SLMAP: variants seen among roughly 807,000 people sequenced by gnomAD.
SLMAP encodes the protein sarcolemmal membrane-associated protein.
In SLMAP, 44 loss-of-function variants were observed where a neutral mutation model predicts 128.8. That is an observed-to-expected ratio of 0.34 (90% CI 0.27 to 0.44). SLMAP has a LOEUF of 0.44. Ranked by LOEUF, SLMAP falls within the 20% of genes least tolerant of loss-of-function variation. SLMAP has a pLI of 1.00. For synonymous variants in SLMAP, 327 were observed against 348.8 expected, an observed-to-expected ratio of 0.94 and a Z score of 0.70; for missense variants, 787 against 985.3, an observed-to-expected ratio of 0.80 and a Z score of 2.69.
chr3:57,809,546 C>T lies in SLMAP; in HGVS notation c.199-21837C>T, dbSNP rs559200176. On this transcript the variant is annotated intron_variant, in intron 2 of 24. Transcript: ENST00000671191. ...GCACCTACAGCCTGGGCACCACGAA[C>T]AGCAGCAGGAGGCAGACAGGTTCCC... Among the ~76,000 whole-genome samples, 33 of 152,312 alleles carry T rather than the reference C, an allele frequency of 2.2e-4. 1 individual carries two copies. In the South Asian group the frequency reaches 6.8e-3, roughly 32 times the overall value.
At chr3:57,778,821 T>C (rs1219490512) in intron 2 of SLMAP, among the ~76,000 whole-genome samples, 1 of 152,080 alleles carries the variant, frequency 6.6e-6, no homozygotes, top group Non-Finnish European at 1.5e-5. Context: ...TCTTAGGTAA[T>C]TGAGTTAAGG....
At chr3:57,926,903 C>A (rs761440336) in intron 24 of SLMAP, among the ~76,000 whole-genome samples, 22 of 152,250 alleles carry the variant, frequency 1.4e-4, no homozygotes, top group Non-Finnish European at 2.8e-4. Context: ...TGGTTCTTAT[C>A]AAGAAATAAA....
At chr3:57,894,474 T>C (rs2096184653) in intron 15 of SLMAP, among the ~76,000 whole-genome samples, 1 of 152,212 alleles carries the variant, frequency 6.6e-6, no homozygotes, top group South Asian at 2.1e-4. Context: ...TTACTTCCTT[T>C]AGGAAAAGTA....
In SLMAP at chr3:57,878,523, A is replaced by G. The variant is rs182906053; in HGVS notation, c.1300+6825A>G. Among the ~76,000 whole-genome samples, 175 of 152,102 alleles carry G rather than the reference A, an allele frequency of 1.2e-3. 1 individual carries two copies. The highest frequency in any genetic ancestry group is 0.011 in the South Asian group (51 of 4,816). On this transcript the variant is annotated intron_variant, in intron 14 of 24. Coordinates refer to ENST00000671191, the MANE Select transcript of SLMAP (RefSeq NM_001377540.1). ...GGGATCTTGATGTGAATTCTGATGC[A>G]CTCTCTCACTGGCAGTATGATTGTG...
chr3:57,802,824 A>G (rs1407269811), intron 2 of SLMAP, among the ~76,000 whole-genome samples: 1 of 152,192 alleles, frequency 6.6e-6, no homozygotes, highest in African/African-American at 2.4e-5. Flanking sequence ...ACATTTGTGT[A>G]CAATTCTTTG....
At chr3:57,902,265 A>G (rs968685668) in intron 17 of SLMAP, 15 of 152,236 alleles carry the variant, frequency 9.9e-5, no homozygotes, top group Non-Finnish European at 1.8e-4. Context: ...TTATATTTAC[A>G]TCTATAAAAT....
chr3:57,860,743 A>G lies in SLMAP; in HGVS notation c.732A>G (p.Gln244=), dbSNP rs1407891186. ...DSLRKELIAL[Q]EDKHNYETTA... is the part of the protein sequence containing the mutation. ...TACGAAAGGAACTTATAGCATTACAAGAGGATAAACATAACTATGAGACAA... is the reference window on the plus strand; with the variant it reads ...TACGAAAGGAACTTATAGCATTACAGGAGGATAAACATAACTATGAGACAA... The change falls in exon 9 of 25, where the codon CAA becomes CAG. Residue 244 remains glutamine, a synonymous_variant. Coordinates refer to ENST00000671191, the MANE Select transcript of SLMAP (RefSeq NM_001377540.1). 2.5e-6 allele frequency: 4 copies of G among 1,595,858 alleles called. No homozygotes were observed. Among genetic ancestry groups the G allele is most frequent in the East Asian group, 4.5e-5 (2 of 44,280 alleles).
intron 6 of SLMAP, among the ~76,000 whole-genome samples, chr3:57,852,455 T>A (rs2094541741): frequency 6.6e-6 from 1 of 152,222 alleles, no homozygotes; most frequent in South Asian, 2.1e-4. Flanking sequence ...GAAAAGTTGT[T>A]TAACCCTTTT....
chr3:57,765,030 A>G (rs1395178508), intron 2 of SLMAP, among the ~76,000 whole-genome samples: 1 of 152,188 alleles, frequency 6.6e-6, no homozygotes, highest in African/African-American at 2.4e-5. Context: ...ATGAAATCCA[A>G]TTTAAACTAG....
chr3:57,909,820 C>T (rs2096651713), intron 19 of SLMAP, among the ~76,000 whole-genome samples: 2 of 151,858 alleles, frequency 1.3e-5, no homozygotes. Context: ...CCATGTTGGT[C>T]AGGCTGATCT....
At chr3:57,871,310 G>C (rs541794838) in intron 13 of SLMAP, among the ~76,000 whole-genome samples, 1 of 152,198 alleles carries the variant, frequency 6.6e-6, no homozygotes, top group Non-Finnish European at 1.5e-5. Context: ...ATTTAATAAT[G>C]ACAAACTTAA....
intron 17 of SLMAP, chr3:57,898,782 C>G (rs1438788382): frequency 6.6e-6 from 1 of 152,148 alleles, no homozygotes; most frequent in Non-Finnish European, 1.5e-5. Context: ...AAGCTAAGAG[C>G]CAAAGAACTC....
chr3:57,818,275 C>T (rs371931807), intron 2 of SLMAP, among the ~76,000 whole-genome samples: 5 of 152,292 alleles, frequency 3.3e-5, no homozygotes, highest in African/African-American at 1.2e-4. Flanking sequence ...CCTGTCTCAG[C>T]CTCCCTAGTA....
intron 14 of SLMAP, among the ~76,000 whole-genome samples, chr3:57,876,560 G>C (rs1213104571): frequency 6.6e-6 from 1 of 152,138 alleles, no homozygotes; most frequent in Non-Finnish European, 1.5e-5. Context: ...TTCCTCTTCA[G>C]GGATTCAGAC....
At chr3:57,830,482 G>A (rs1399207339) in intron 2 of SLMAP, among the ~76,000 whole-genome samples, 2 of 152,172 alleles carry the variant, frequency 1.3e-5, no homozygotes, top group South Asian at 2.1e-4. Flanking sequence ...AATCGAAAAA[G>A]AAAGGTACGT....
chr3:57,785,067 A>G (rs1182057286), intron 2 of SLMAP, among the ~76,000 whole-genome samples: 1 of 152,180 alleles, frequency 6.6e-6, no homozygotes, highest in Admixed American at 6.5e-5. Flanking sequence ...GTCTAAGGTA[A>G]TCTGTTTATA....
chr3:57,917,247 A>G (rs1409066461), intron 22 of SLMAP, 170 bp downstream of exon 22: 2 of 1,468,434 alleles, frequency 1.4e-6, no homozygotes, highest in Non-Finnish European at 1.8e-6. Context: ...ATCATGGTCC[A>G]TATGTAGAGA....
chr3:57,880,336 G>A (rs960697947), intron 14 of SLMAP, among the ~76,000 whole-genome samples: 32 of 151,892 alleles, frequency 2.1e-4, no homozygotes, highest in Non-Finnish European at 1.8e-4. Context: ...TGAGTAGCTG[G>A]GATTACAGGT....
chr3:57,872,953 C>T (rs899128519), intron 14 of SLMAP, among the ~76,000 whole-genome samples: 5 of 152,158 alleles, frequency 3.3e-5, no homozygotes, highest in Admixed American at 2.0e-4. Context: ...TGCATATGTG[C>T]CCCCCGCTAC....
Sources: allele counts gnomAD v4.1 joint callset (sites outside exome capture counted in the v4.1 genomes callset), GRCh38; gene constraint gnomAD v4.1.1; transcripts MANE v1.5; gene names NCBI Gene and HGNC (gene_info 2026-07-23, HGNC 2026-07-21).